Variants in PDE8A observed in about 807,000 individuals in gnomAD.
PDE8A encodes the protein phosphodiesterase 8A, also known as high affinity cAMP-specific and IBMX-insensitive 3',5'-cyclic phosphodiesterase 8A.
Under a neutral mutation model 105.0 loss-of-function variants are expected in PDE8A, and 59 were observed. The ratio of observed to expected loss-of-function variants is 0.56; its 90% CI spans 0.46 to 0.70. The LOEUF (loss-of-function observed/expected upper bound fraction) is 0.70, where lower values mean the gene tolerates loss of function less well. Among genes scored for constraint, PDE8A ranks in the 30% least tolerant of loss-of-function variants. PDE8A has a pLI of 0.00. For missense variants in PDE8A, 1,014 were observed against 1,045.9 expected (o/e 0.97, Z 0.42); for synonymous variants, 355 against 371.9 (o/e 0.95, Z 0.52).
intron 1 of PDE8A, among the ~76,000 whole-genome samples, chr15:85,052,744 T>C (rs2080997089): frequency 6.6e-6 from 1 of 152,188 alleles, no homozygotes; most frequent in Middle Eastern, 3.2e-3. Flanking sequence ...GATGGGTAGA[T>C]TGTAAAAATT....
chr15:85,029,319 C>A (rs1045279970), intron 1 of PDE8A, among the ~76,000 whole-genome samples: 1 of 151,638 alleles, frequency 6.6e-6, no homozygotes, highest in Non-Finnish European at 1.5e-5. Context: ...TGTTGGCTAC[C>A]GTCGGAAACT....
At chr15:85,044,806 T>G (rs1050322083) in intron 1 of PDE8A, among the ~76,000 whole-genome samples, 1 of 152,256 alleles carries the variant, frequency 6.6e-6, no homozygotes, top group African/African-American at 2.4e-5. Context: ...CAAAGACATC[T>G]TTTTTAGAAA....
Position 84,982,369 on chromosome 15 carries a change from TG to T in PDE8A, c.186+25del, listed in dbSNP as rs756189228. 3 of 1,291,742 alleles carry T rather than the reference TG, an allele frequency of 2.3e-6. No individual in the cohort carries two copies. In the South Asian group the frequency reaches 7.0e-5, roughly 30 times the overall value. The allele number at this position is 1,291,742 out of a possible 1,614,324, so 80.0% of individuals were successfully genotyped here. A position where few individuals can be genotyped will look rare whatever the true frequency, so the allele number is the denominator to read the frequency against. The stretch of plus-strand genomic sequence containing the variant: ...AGAAGGTAAGGGGCGCCGGGCACTC[TG>T]GGGCCGCCGCGAAACTCGGGCCCGG... On this transcript the variant is annotated intron_variant, in intron 1 of 21. Coordinates refer to ENST00000394553, the MANE Select transcript of PDE8A (RefSeq NM_002605.3).
chr15:85,125,995 A>G (rs1286376628), intron 19 of PDE8A, among the ~76,000 whole-genome samples: 1 of 152,142 alleles, frequency 6.6e-6, no homozygotes, highest in Non-Finnish European at 1.5e-5. Flanking sequence ...CTCCACTTCT[A>G]GGTCCTGTTG....
intron 2 of PDE8A, among the ~76,000 whole-genome samples, chr15:85,065,951 C>G (rs1202365984): frequency 6.6e-6 from 1 of 152,240 alleles, no homozygotes; most frequent in Non-Finnish European, 1.5e-5. Flanking sequence ...CACCTGGTGA[C>G]TGTGTCACTT....
intron 1 of PDE8A, among the ~76,000 whole-genome samples, chr15:85,037,487 T>C (rs187243190): frequency 3.9e-5 from 6 of 152,326 alleles, no homozygotes; most frequent in Non-Finnish European, 7.4e-5. Flanking sequence ...TATAGATTAG[T>C]TTTGCCTGAT....
At chr15:85,071,459 CTA>C in intron 3 of PDE8A, among the ~76,000 whole-genome samples, 1 of 152,342 alleles carries the variant, frequency 6.6e-6, no homozygotes, top group East Asian at 1.9e-4. Flanking sequence ...GTTTTTCCTA[CTA>C]TGTTTTAAGA....
intron 20 of PDE8A, among the ~76,000 whole-genome samples, chr15:85,136,322 G>A (rs1222004738): frequency 1.3e-5 from 2 of 152,214 alleles, no homozygotes; most frequent in African/African-American, 4.8e-5. Context: ...GAGTTGGGGT[G>A]TCCTCAGACC....
At chr15:84,990,661 G>C (rs1210235346) in intron 1 of PDE8A, among the ~76,000 whole-genome samples, 5 of 152,032 alleles carry the variant, frequency 3.3e-5, no homozygotes, top group Non-Finnish European at 7.4e-5. Context: ...TCTAATTTTT[G>C]GCTATTATGA....
Position 85,138,121 on chromosome 15 carries a change from AG to A in PDE8A, c.*220del. The A allele has an allele frequency of 2.1e-6, 1 of 483,946 alleles. No homozygotes were observed. Among genetic ancestry groups the A allele is most frequent in the Non-Finnish European group, 3.7e-6 (1 of 270,156 alleles). 30.0% of individuals were successfully genotyped at this position (483,946 alleles called of 1,614,324 possible). On this transcript the variant is annotated 3_prime_UTR_variant, in exon 22 of 22. Coordinates refer to ENST00000394553, the MANE Select transcript of PDE8A (RefSeq NM_002605.3). ...GGCCACTGTAGCCTGGGCCTGCTGC[AG>A]GAGCTCTTCAGAAAGGCACATGAGG... is the stretch of plus-strand genomic sequence containing the variant.
chr15:85,131,543 C>A (rs1020170031), intron 20 of PDE8A, among the ~76,000 whole-genome samples: 2 of 152,334 alleles, frequency 1.3e-5, no homozygotes, highest in African/African-American at 2.4e-5. Context: ...AGCTCTACCA[C>A]CCCACTCCAT....
intron 12 of PDE8A, 105 bp downstream of exon 12, chr15:85,109,235 G>A (rs2081987671): frequency 3.0e-6 from 2 of 655,992 alleles, no homozygotes; most frequent in Admixed American, 5.6e-5. Flanking sequence ...CCAATTCTTG[G>A]GAGAGGAGGG....
chr15:85,023,361 C>T (rs1483478440), intron 1 of PDE8A, among the ~76,000 whole-genome samples: 1 of 152,098 alleles, frequency 6.6e-6, no homozygotes, highest in Non-Finnish European at 1.5e-5. Context: ...GTTATCAGCT[C>T]AGGTGGAGAA....
chr15:85,102,272 C>G (rs1306155531), intron 11 of PDE8A, among the ~76,000 whole-genome samples: 1 of 152,078 alleles, frequency 6.6e-6, no homozygotes, highest in African/African-American at 2.4e-5. Flanking sequence ...GAACGGGAAG[C>G]ATCAAGACTG....
rs2082453122 is a variant in PDE8A, at chr15:85,138,682, T to G, written c.*779T>G. 6.6e-6 allele frequency: 1 copy of G among 152,252 alleles called. No individual in the cohort carries two copies. Among genetic ancestry groups the G allele is most frequent in the South Asian group, 2.1e-4 (1 of 4,824 alleles). 9.4% of individuals were successfully genotyped at this position (152,252 alleles called of 1,614,324 possible). A position where few individuals can be genotyped will look rare whatever the true frequency, so the allele number is the denominator to read the frequency against. On this transcript the variant is annotated 3_prime_UTR_variant, in exon 22 of 22. Coordinates refer to ENST00000394553, the MANE Select transcript of PDE8A (RefSeq NM_002605.3). ...GAAAAAGCTGGGGTCGTATTCTAAG[T>G]GCTAAAGAAGGCTGCTTCTACTGTA...
intron 6 of PDE8A, among the ~76,000 whole-genome samples, chr15:85,088,830 A>T (rs1274749818): frequency 1.3e-5 from 2 of 152,258 alleles, no homozygotes; most frequent in African/African-American, 4.8e-5. Flanking sequence ...GAAAATGCTC[A>T]CAGAAGAAGG....
intron 20 of PDE8A, among the ~76,000 whole-genome samples, chr15:85,136,004 C>T (rs546939467): frequency 4.6e-5 from 7 of 152,210 alleles, no homozygotes; most frequent in South Asian, 2.1e-4. Context: ...GGTGGAAGGA[C>T]GGCTGGACTG....
chr15:85,078,547 TCA>T (rs1491459796), intron 5 of PDE8A, among the ~76,000 whole-genome samples: 1 of 8,182 alleles, frequency 1.2e-4, no homozygotes. Flanking sequence ...ATACTCCATC[TCA>T]AAAAAAAAAA....
At chr15:85,096,859 T>C (rs1026848380) in intron 8 of PDE8A, among the ~76,000 whole-genome samples, 4 of 152,248 alleles carry the variant, frequency 2.6e-5, no homozygotes, top group African/African-American at 9.6e-5. Flanking sequence ...GTAATCATCC[T>C]TTGATTCTAT....
Sources: allele counts gnomAD v4.1 joint callset (sites outside exome capture counted in the v4.1 genomes callset), GRCh38; gene constraint gnomAD v4.1.1; transcripts MANE v1.5; gene names NCBI Gene and HGNC (gene_info 2026-07-23, HGNC 2026-07-21).